Variants in HGF observed in about 807,000 individuals in gnomAD.
HGF encodes hepatocyte growth factor.
In HGF, 39 loss-of-function variants were observed where a neutral mutation model predicts 111.6. That is an observed-to-expected ratio of 0.35 (90% confidence interval 0.27 to 0.46). The LOEUF (loss-of-function observed/expected upper bound fraction) is 0.46, where lower values mean the gene tolerates loss of function less well. HGF is among the 20% of genes least tolerant of loss of function. The probability of loss-of-function intolerance (pLI) is 1.00; values close to 1 mark genes in which losing one functional copy is unlikely to be tolerated. For synonymous variants in HGF, 285 were observed against 294.8 expected (o/e 0.97, Z 0.34); for missense variants, 735 against 910.5 (o/e 0.81, Z 2.48).
At chr7:81,762,643 A>G in intron 2 of HGF, 64 bp downstream of exon 2, 2 of 1,157,890 alleles carry the variant, frequency 1.7e-6, no homozygotes, top group South Asian at 1.2e-5. Context: ...CAAAAGACAC[A>G]TGATTATAAT....
intron 8 of HGF, 40 bp downstream of exon 8, chr7:81,729,565 G>A (rs779908522): frequency 2.7e-6 from 4 of 1,478,780 alleles, no homozygotes; most frequent in Admixed American, 1.7e-5. Context: ...ATTTTCCCCA[G>A]GGCCTACTGA....
chr7:81,737,006 C>A (rs1787853924), intron 7 of HGF, among the ~76,000 whole-genome samples: 1 of 150,418 alleles, frequency 6.6e-6, no homozygotes, highest in Non-Finnish European at 1.5e-5. Flanking sequence ...ATAGATATTT[C>A]ATTCTGAAGG....
chr7:81,730,219 T>G (rs1787600762), intron 7 of HGF, among the ~76,000 whole-genome samples: 1 of 152,028 alleles, frequency 6.6e-6, no homozygotes, highest in Non-Finnish European at 1.5e-5. Context: ...GAAGCTGAGG[T>G]GGGTGGATCA....
At chr7:81,763,428 G>A (rs888018492) in intron 1 of HGF, among the ~76,000 whole-genome samples, 6 of 151,986 alleles carry the variant, frequency 3.9e-5, no homozygotes, top group Non-Finnish European at 8.8e-5. Context: ...AATGTTTTCT[G>A]TGCTTTTGGA....
At chr7:81,718,285 G>T (rs1308552160) in intron 10 of HGF, among the ~76,000 whole-genome samples, 1 of 152,152 alleles carries the variant, frequency 6.6e-6, no homozygotes, top group Non-Finnish European at 1.5e-5. Flanking sequence ...CTTATTACAT[G>T]CCACATTGTG....
chr7:81,759,104 A>C (rs565353734), intron 2 of HGF, among the ~76,000 whole-genome samples: 1 of 152,316 alleles, frequency 6.6e-6, no homozygotes, highest in African/African-American at 2.4e-5. Flanking sequence ...ATGCAAAATC[A>C]ATATGTAACA....
At chr7:81,752,641 C>A (rs1788560340) in intron 4 of HGF, among the ~76,000 whole-genome samples, 1 of 152,244 alleles carries the variant, frequency 6.6e-6, no homozygotes, top group African/African-American at 2.4e-5. Context: ...ATTTTGAAAT[C>A]TCACTATTTC....
chr7:81,757,190 T>C lies in HGF; in HGVS notation c.481A>G (p.Ser161Gly), dbSNP rs2116177719. 5.5e-6 allele frequency: 8 copies of C among 1,461,244 alleles called. No homozygotes were observed. The East Asian group carries it at 6.8e-5, about 12-fold the overall frequency. The allele number at this position is 1,461,244 out of a possible 1,614,324, so 90.5% of individuals were successfully genotyped here. A position where few individuals can be genotyped will look rare whatever the true frequency, so the allele number is the denominator to read the frequency against. The part of the protein sequence containing the change: ...PWSSMIPHEH[S>G]FLPSSYRGKD... ...CTCTTTTCTTCATACTGTTCTTACC[T>C]GTGTTCGTGTGGTATCATGGAACTC... Residue 161 changes from serine (S) to glycine (G), a missense_variant and splice_region_variant, in exon 4 of 18, where the codon AGC becomes GGC. By Grantham distance (56) the Ser-to-Gly change is moderately conservative. Coordinates refer to ENST00000222390, the MANE Select transcript of HGF (RefSeq NM_000601.6).
intron 5 of HGF, 108 bp from the exon 6 acceptor site, chr7:81,745,228 A>G (rs1188587961): frequency 8.8e-7 from 1 of 1,131,392 alleles, no homozygotes; most frequent in Non-Finnish European, 1.3e-6. Flanking sequence ...TTTTTAAAAA[A>G]TCCTACACAT....
chr7:81,707,493 A>G (rs1192786620), intron 13 of HGF, 129 bp from the exon 14 acceptor site: 6 of 660,524 alleles, frequency 9.1e-6, no homozygotes, highest in Non-Finnish European at 1.6e-5. Flanking sequence ...AATTAACCCA[A>G]CTGGAATAAA....
In HGF at chr7:81,745,886, G is replaced by C. The variant is rs138736248; in HGVS notation, c.626-766C>G. ...TCTGGCTGGCCTCTTATGTCACACA[G>C]AAAACTGAATCACATCAATTGCTGA... On this transcript the variant is annotated intron_variant, in intron 5 of 17. Coordinates refer to ENST00000222390, the MANE Select transcript of HGF (RefSeq NM_000601.6). 5.8e-3 allele frequency among the ~76,000 whole-genome samples: 877 copies of C among 152,278 alleles called. 10 individuals carry two copies. The highest frequency in any genetic ancestry group is 0.02 in the African/African-American group (839 of 41,556).
At chr7:81,741,304 C>A (rs553218767) in intron 7 of HGF, among the ~76,000 whole-genome samples, 9 of 152,098 alleles carry the variant, frequency 5.9e-5, no homozygotes, top group Middle Eastern at 3.2e-3. Context: ...AGAATTAACA[C>A]CCTATAAACT....
intron 10 of HGF, among the ~76,000 whole-genome samples, chr7:81,717,780 A>T (rs891985943): frequency 2.0e-5 from 3 of 152,170 alleles, no homozygotes; most frequent in Non-Finnish European, 4.4e-5. Context: ...TTAGATACAA[A>T]TGAAGCATCA....
At position 81,746,626 on chromosome 7, in the gene HGF, T is replaced by C. The variant is rs1465640765; in HGVS notation, c.626-1506A>G. On this transcript the variant is annotated intron_variant, in intron 5 of 17. Transcript: ENST00000222390. ...AAGTATTCATATGTACAATTTCTAC[T>C]CTTGTATAGTACTCAGGAAAGAGAT... 3.9e-5 allele frequency among the ~76,000 whole-genome samples: 6 copies of C among 152,090 alleles called. No homozygotes were observed. In the East Asian group the frequency reaches 1.2e-3, roughly 29 times the overall value.
chr7:81,710,258 A>C lies in HGF; in HGVS notation c.1445-15T>G, dbSNP rs1381994274. The C allele has an allele frequency of 6.4e-7, 1 of 1,563,162 alleles. No individual in the cohort carries two copies. The highest frequency in any genetic ancestry group is 2.2e-5 in the East Asian group (1 of 44,608). ...TATTACGGGATCTGAAACAGGACCA[A>C]ACATAACATTTTTTAAAATAAGAAT... On this transcript the variant is annotated splice_polypyrimidine_tract_variant and intron_variant, in intron 12 of 17. Coordinates refer to ENST00000222390, the MANE Select transcript of HGF (RefSeq NM_000601.6).
chr7:81,742,802 G>A, intron 7 of HGF: 1 of 1,547,900 alleles, frequency 6.5e-7, no homozygotes, highest in East Asian at 2.4e-5. Context: ...AATGCAGGCT[G>A]GGTACAAAGA....
At chr7:81,702,819 A>C (rs995096994) in intron 17 of HGF, 62 bp from the exon 18 acceptor site, 9 of 1,335,986 alleles carry the variant, frequency 6.7e-6, no homozygotes, top group Non-Finnish European at 9.6e-6. Flanking sequence ...TCATTAACAT[A>C]ATCATATATA....
chr7:81,733,985 G>A (rs1271629428), intron 7 of HGF, among the ~76,000 whole-genome samples: 1 of 152,160 alleles, frequency 6.6e-6, no homozygotes, highest in Non-Finnish European at 1.5e-5. Context: ...TAAATGTTGG[G>A]AAAGGCATTC....
intron 4 of HGF, among the ~76,000 whole-genome samples, chr7:81,754,650 A>T (rs919916075): frequency 6.6e-6 from 1 of 152,072 alleles, no homozygotes; most frequent in South Asian, 2.1e-4. Flanking sequence ...TCTCTAGGAC[A>T]TGAAGGTTAA....
Sources: allele counts gnomAD v4.1 joint callset (sites outside exome capture counted in the v4.1 genomes callset), GRCh38; gene constraint gnomAD v4.1.1; transcripts MANE v1.5; gene names NCBI Gene and HGNC (gene_info 2026-07-23, HGNC 2026-07-21).